The following DIXDC1 variants were observed in gnomAD, a reference collection of about 807,000 sequenced individuals.
DIXDC1 encodes DIX domain containing 1.
Under a neutral mutation model 103.1 loss-of-function variants are expected in DIXDC1, and 64 were observed. That is an observed-to-expected ratio of 0.62 (90% CI 0.51 to 0.76). The LOEUF (loss-of-function observed/expected upper bound fraction) is 0.76, where lower values mean the gene tolerates loss of function less well. Among genes scored for constraint, DIXDC1 ranks in the 30% least tolerant of loss-of-function variants. The probability of loss-of-function intolerance (pLI) is 0.00; values close to 1 mark genes in which losing one functional copy is unlikely to be tolerated. For synonymous variants in DIXDC1, 266 were observed against 298.5 expected (o/e 0.89, Z 1.12); for missense variants, 759 against 834.2 (o/e 0.91, Z 1.11).
At chr11:111,964,460 C>T in intron 1 of DIXDC1, 89 bp from the exon 2 acceptor site, 2 of 1,469,282 alleles carry the variant, frequency 1.4e-6, no homozygotes, top group East Asian at 2.5e-5. Flanking sequence ...TTTATTATAC[C>T]CCAGTCACAA....
chr11:111,957,983 C>G (rs587758387), intron 1 of DIXDC1, among the ~76,000 whole-genome samples: 2 of 152,226 alleles, frequency 1.3e-5, no homozygotes, highest in African/African-American at 4.8e-5. Context: ...AGCCTGCCCC[C>G]TCTGAGTTGG....
chr11:111,999,439 A>G (rs1482830544), intron 17 of DIXDC1, among the ~76,000 whole-genome samples: 1 of 152,248 alleles, frequency 6.6e-6, no homozygotes, highest in Non-Finnish European at 1.5e-5. Flanking sequence ...AACTCAGACT[A>G]TAGATCAGTG....
chr11:112,000,485 T>C (rs1861032238), intron 17 of DIXDC1, among the ~76,000 whole-genome samples: 1 of 151,986 alleles, frequency 6.6e-6, no homozygotes, highest in South Asian at 2.1e-4. Context: ...GATCATGAGG[T>C]CAGGAGATCG....
chr11:112,007,601 C>T (rs1040713306), intron 17 of DIXDC1, among the ~76,000 whole-genome samples: 34 of 152,264 alleles, frequency 2.2e-4, no homozygotes, highest in Admixed American at 3.3e-4. Flanking sequence ...AGACTAACAG[C>T]GGATCTCTCG....
At chr11:111,944,290 G>T (rs1218047117) in intron 1 of DIXDC1, among the ~76,000 whole-genome samples, 1 of 152,150 alleles carries the variant, frequency 6.6e-6, no homozygotes, top group Non-Finnish European at 1.5e-5. Context: ...TTTCTTGTTT[G>T]CTTTTCTTGT....
chr11:111,994,624 A>G (rs1321022529), intron 14 of DIXDC1, among the ~76,000 whole-genome samples: 1 of 151,532 alleles, frequency 6.6e-6, no homozygotes, highest in Admixed American at 6.6e-5. Flanking sequence ...GTATGTGTAT[A>G]TATATGTATG....
rs145124028 is a variant in DIXDC1, at chr11:111,957,734, C to T, written c.61-6815C>T. Among the ~76,000 whole-genome samples, 274 of 152,278 alleles carry T rather than the reference C, an allele frequency of 1.8e-3. 2 individuals carry two copies. The highest frequency in any genetic ancestry group is 6.1e-3 in the African/African-American group (254 of 41,552). On this transcript the variant is annotated intron_variant, in intron 1 of 19. Coordinates refer to ENST00000440460, the MANE Select transcript of DIXDC1 (RefSeq NM_001037954.4). The stretch of plus-strand genomic sequence containing the variant: ...TCCAGATTGGAGGAGATGGAAGAGA[C>T]GTGGCAGCCTAGTGCACTGTGAGAT...
At chr11:111,980,960 C>G in intron 6 of DIXDC1, 111 bp downstream of exon 6, 1 of 801,586 alleles carries the variant, frequency 1.2e-6, no homozygotes, top group Non-Finnish European at 2.0e-6. Context: ...ATGGTCTGTG[C>G]GTGCAGGGTC....
At chr11:111,961,406 G>A (rs1379640790) in intron 1 of DIXDC1, among the ~76,000 whole-genome samples, 4 of 152,152 alleles carry the variant, frequency 2.6e-5, no homozygotes, top group African/African-American at 9.7e-5. Context: ...CCATGAACAA[G>A]TTATTTCACC....
At position 111,996,996 on chromosome 11, in the gene DIXDC1, G is replaced by A. The variant is rs192981617; in HGVS notation, c.1756+850G>A. ...TTTTCCCATTTGTTCAAACTTGTTGGAAAGCTACCCTGCCTGGTAATTTCT... is the reference window on the plus strand; with the variant it reads ...TTTTCCCATTTGTTCAAACTTGTTGAAAAGCTACCCTGCCTGGTAATTTCT... On this transcript the variant is annotated intron_variant, in intron 17 of 19. Transcript: ENST00000440460. Among the ~76,000 whole-genome samples, 221 of 152,240 alleles carry A rather than the reference G, an allele frequency of 1.5e-3. 3 individuals carry two copies. The Middle Eastern group carries it at 0.031, about 21-fold the overall frequency.
At chr11:111,937,659 C>T in intron 1 of DIXDC1, 100 bp downstream of exon 1, 2 of 1,279,762 alleles carry the variant, frequency 1.6e-6, no homozygotes, top group Non-Finnish European at 2.2e-6. Flanking sequence ...TTTGGGGACC[C>T]CAGAGCAAAT....
intron 10 of DIXDC1, 57 bp from the exon 11 acceptor site, chr11:111,992,358 A>G (rs1332958614): frequency 1.3e-5 from 19 of 1,436,634 alleles, no homozygotes; most frequent in Non-Finnish European, 1.8e-5. Context: ...AATTTGTAAT[A>G]ATAACTGGCT....
At chr11:111,996,315 A>T (rs1468021951) in intron 17 of DIXDC1, 169 bp downstream of exon 17, 10 of 556,450 alleles carry the variant, frequency 1.8e-5, no homozygotes, top group African/African-American at 1.7e-4. Flanking sequence ...CTATGAAGAC[A>T]TATGCCATCA....
chr11:112,015,144 C>G (rs1555177583), intron 17 of DIXDC1, among the ~76,000 whole-genome samples: 1 of 152,168 alleles, frequency 6.6e-6, no homozygotes, highest in Non-Finnish European at 1.5e-5. Context: ...CTCGGCCTCC[C>G]AAAGTGCTAG....
Position 111,998,931 on chromosome 11 carries a change from G to A in DIXDC1, c.1756+2785G>A, listed in dbSNP as rs1418525993. On this transcript the variant is annotated intron_variant, in intron 17 of 19. Transcript: ENST00000440460. The surrounding 1 kb of genome is among the most constrained non-coding windows in gnomAD (Gnocchi z 4.1). ...AAACTGGACACAAAACAATAGAGAG[G>A]GAAAAATACAGAATATACAATCAAA... Among the ~76,000 whole-genome samples, 1 of 152,178 alleles carries A rather than the reference G, an allele frequency of 6.6e-6. No individual in the cohort carries two copies. The highest frequency in any genetic ancestry group is 1.5e-5 in the Non-Finnish European group (1 of 68,042).
intron 1 of DIXDC1, among the ~76,000 whole-genome samples, chr11:111,939,910 T>G (rs1482802806): frequency 6.6e-6 from 1 of 152,220 alleles, no homozygotes; most frequent in Non-Finnish European, 1.5e-5. Context: ...CTTCTGAGAA[T>G]TCCTACTGAG....
chr11:111,974,938 A>C lies in DIXDC1; in HGVS notation c.611A>C (p.Gln204Pro), dbSNP rs587676028. The change falls in exon 5 of 20, where the codon CAG becomes CCG. Residue 204 changes from glutamine (Q) to proline (P), a missense_variant. By Grantham distance (76) the Gln-to-Pro change is moderately conservative. Around this residue, in one of 3 missense-constraint regions of DIXDC1, gnomAD observed 657 missense variants for 727.5 expected, o/e 0.90. Coordinates refer to ENST00000440460, the MANE Select transcript of DIXDC1 (RefSeq NM_001037954.4). ...TGGAGTGTGCGGGCCCTAGTGCAGC[A>C]GTACGAAGGGCAACAAAGGTCCCCG... ...PYWSVRALVQQYEGQQRSPSE... is the reference protein window; with the variant it reads ...PYWSVRALVQPYEGQQRSPSE... The C allele has an allele frequency of 6.2e-7, 1 of 1,613,630 alleles. No individual in the cohort carries two copies. Among genetic ancestry groups the C allele is most frequent in the East Asian group, 2.2e-5 (1 of 44,880 alleles).
intron 1 of DIXDC1, among the ~76,000 whole-genome samples, chr11:111,938,687 T>C (rs1184474834): frequency 1.3e-5 from 2 of 152,200 alleles, no homozygotes; most frequent in African/African-American, 4.8e-5. Flanking sequence ...TTAATTCCTG[T>C]TTCTAATTAA....
At position 111,996,084 on chromosome 11, in the gene DIXDC1, G is replaced by T; in HGVS notation, c.1694G>T (p.Arg565Leu). 1.2e-6 allele frequency: 2 copies of T among 1,613,408 alleles called. No individual in the cohort carries two copies. The highest frequency in any genetic ancestry group is 1.7e-5 in the Admixed American group (1 of 59,946). ...GATTTTTGTGTGGCTCCCCAGGTTC[G>T]GGTCAAGTCACCCAGAACTCAAGTA... Reference protein sequence around the residue: ...ETQKKQERKVRVKSPRTQVGS... With the variant: ...ETQKKQERKVLVKSPRTQVGS... Residue 565 changes from arginine to leucine, a missense_variant, in exon 17 of 20, where the codon CGG (arginine) becomes CTG (leucine). Coordinates refer to ENST00000440460, the MANE Select transcript of DIXDC1 (RefSeq NM_001037954.4).
Sources: allele counts gnomAD v4.1 joint callset (sites outside exome capture counted in the v4.1 genomes callset), GRCh38; gene constraint gnomAD v4.1.1; regional missense constraint gnomAD v4.1.1; non-coding constraint Gnocchi (gnomAD v3.1); transcripts MANE v1.5; gene names NCBI Gene and HGNC (gene_info 2026-07-23, HGNC 2026-07-21).